Variants in MYO5A observed in about 807,000 individuals in gnomAD.
MYO5A encodes the protein myosin VA, also known as unconventional myosin-Va.
Under a neutral mutation model 249.7 loss-of-function variants are expected in MYO5A, and 98 were observed. The observed-to-expected ratio is 0.39, with a 90% CI of 0.33 to 0.46. The LOEUF (loss-of-function observed/expected upper bound fraction) is 0.46, where lower values mean the gene tolerates loss of function less well. MYO5A is among the 20% of genes least tolerant of loss of function. The pLI, the probability that MYO5A is intolerant of heterozygous loss-of-function variation, is 0.98. For synonymous variants in MYO5A, 778 were observed against 810.6 expected (o/e 0.96, Z 0.68); for missense variants, 1,696 against 2,308.8 (o/e 0.73, Z 5.44).
At chr15:52,512,521 T>A (rs80258187) in intron 1 of MYO5A, among the ~76,000 whole-genome samples, 24 of 108,756 alleles carry the variant, frequency 2.2e-4, no homozygotes, top group South Asian at 5.9e-4. Flanking sequence ...CGCTAAAAAA[T>A]ATATATATAT....
intron 1 of MYO5A, among the ~76,000 whole-genome samples, chr15:52,508,921 CCTATT>C (rs2077332198): frequency 6.6e-6 from 1 of 151,974 alleles, no homozygotes; most frequent in African/African-American, 2.4e-5. Flanking sequence ...GTTATTTTCT[CCTATT>C]CTCTTCTCAT....
chr15:52,336,820 G>A (rs2039142377), intron 33 of MYO5A, among the ~76,000 whole-genome samples: 1 of 152,244 alleles, frequency 6.6e-6, no homozygotes, highest in South Asian at 2.1e-4. Context: ...TAGACTCCAT[G>A]TGGGAAAATC....
chr15:52,349,054 A>C (rs1225917347), intron 28 of MYO5A, among the ~76,000 whole-genome samples: 1 of 152,228 alleles, frequency 6.6e-6, no homozygotes, highest in African/African-American at 2.4e-5. Flanking sequence ...ATTTCCAGGA[A>C]CAAATGCTTG....
At chr15:52,453,439 T>A (rs565343103) in intron 1 of MYO5A, among the ~76,000 whole-genome samples, 2 of 151,790 alleles carry the variant, frequency 1.3e-5, no homozygotes, top group African/African-American at 4.8e-5. Context: ...TAAAGGGAGT[T>A]CTTCAATGTG....
At chr15:52,407,996 T>C (rs1054033431) in intron 7 of MYO5A, 63 bp downstream of exon 7, 1 of 1,095,038 alleles carries the variant, frequency 9.1e-7, no homozygotes, top group Admixed American at 1.7e-5. Flanking sequence ...ACAAGTAAAT[T>C]TAGGAACTTG....
At chr15:52,393,730 G>C (rs1412639919) in intron 11 of MYO5A, among the ~76,000 whole-genome samples, 1 of 152,062 alleles carries the variant, frequency 6.6e-6, no homozygotes, top group African/African-American at 2.4e-5. Flanking sequence ...GCTATTATAA[G>C]CTTTAACAAA....
At chr15:52,480,754 T>G (rs1481873207) in intron 1 of MYO5A, among the ~76,000 whole-genome samples, 1 of 152,232 alleles carries the variant, frequency 6.6e-6, no homozygotes, top group Non-Finnish European at 1.5e-5. Context: ...GAGAAAATTC[T>G]TCCTTAGCAT....
intron 1 of MYO5A, among the ~76,000 whole-genome samples, chr15:52,520,814 G>A (rs2077602773): frequency 6.6e-6 from 1 of 152,220 alleles, no homozygotes; most frequent in Non-Finnish European, 1.5e-5. Flanking sequence ...AATGTAAAAT[G>A]TAAATGTTTA....
intron 1 of MYO5A, among the ~76,000 whole-genome samples, chr15:52,450,848 T>TTG (rs552733806): frequency 2.5e-5 from 2 of 78,440 alleles, no homozygotes; most frequent in African/African-American, 7.1e-5. Flanking sequence ...CTGTGGTTTT[T>TTG]TTTTTTTTTT....
chr15:52,316,233 CAAAAAAAAAA>C (rs5812596), intron 40 of MYO5A, among the ~76,000 whole-genome samples: 1 of 60,348 alleles, frequency 1.7e-5, no homozygotes, highest in Non-Finnish European at 2.9e-5. Context: ...GACTCCGTCA[CAAAAAAAAAA>C]AAAAAAAAAA....
At chr15:52,427,478 T>C (rs1238704955) in intron 3 of MYO5A, among the ~76,000 whole-genome samples, 2 of 151,796 alleles carry the variant, frequency 1.3e-5, no homozygotes, top group East Asian at 3.9e-4. Flanking sequence ...ATAGGGTGGC[T>C]AGACAAGACT....
chr15:52,425,744 T>G, intron 4 of MYO5A, 86 bp downstream of exon 4: 2 of 1,460,002 alleles, frequency 1.4e-6, no homozygotes. Context: ...AAGGTTGCCA[T>G]TCACTTTAAA....
chr15:52,406,757 A>T (rs974750647), intron 8 of MYO5A, among the ~76,000 whole-genome samples: 12 of 152,186 alleles, frequency 7.9e-5, no homozygotes, highest in Non-Finnish European at 1.5e-4. Context: ...CTGCTTCAGA[A>T]ATGTTGGAAC....
intron 12 of MYO5A, among the ~76,000 whole-genome samples, 158 bp from the exon 13 acceptor site, chr15:52,389,521 A>G (rs1347827577): frequency 1.3e-5 from 2 of 152,028 alleles, no homozygotes; most frequent in Non-Finnish European, 2.9e-5. Flanking sequence ...TTTCATTGTT[A>G]GAGGCCAACA....
chr15:52,326,546 T>TGAGG (rs1318223363), intron 36 of MYO5A, among the ~76,000 whole-genome samples: 3 of 152,068 alleles, frequency 2.0e-5, no homozygotes, highest in African/African-American at 7.2e-5. Context: ...TCCCCAGGGC[T>TGAGG]GAGGGAGGGA....
chr15:52,436,504 T>C (rs1595680540), intron 1 of MYO5A, among the ~76,000 whole-genome samples: 1 of 152,246 alleles, frequency 6.6e-6, no homozygotes, highest in Admixed American at 6.5e-5. Context: ...CAGACCTTTC[T>C]AGCGGAAATC....
At chr15:52,401,508 T>G (rs1169833924) in intron 9 of MYO5A, among the ~76,000 whole-genome samples, 1 of 152,216 alleles carries the variant, frequency 6.6e-6, no homozygotes, top group African/African-American at 2.4e-5. Context: ...TGTTCTGGCT[T>G]TTATAGCTGC....
At chr15:52,422,353 CT>C (rs5812608) in intron 4 of MYO5A, among the ~76,000 whole-genome samples, 7,675 of 152,142 alleles carry the variant, frequency 0.05, 269 homozygotes, top group East Asian at 0.18. Context: ...TCAAAAACAT[CT>C]TTTCAACCTT....
chr15:52,328,948 G>T lies in MYO5A; in HGVS notation c.4556-942C>A, dbSNP rs2038740934. Among the ~76,000 whole-genome samples, 4 of 152,188 alleles carry T rather than the reference G, an allele frequency of 2.6e-5. No homozygotes were observed. In the South Asian group the frequency reaches 8.3e-4, roughly 32 times the overall value. Reference sequence around the variant, plus strand: ...TTACTTCCTTTGGTGTCTGTCCAAAGATCACCTTACCAAAGAGTGTTTCCT... The same window carrying T: ...TTACTTCCTTTGGTGTCTGTCCAAATATCACCTTACCAAAGAGTGTTTCCT... On this transcript the variant is annotated intron_variant, in intron 35 of 41. Transcript: ENST00000399233.
Sources: gnomAD v4.1 joint callset for allele counts (sites outside exome capture counted in the v4.1 genomes callset) on GRCh38, gnomAD v4.1.1 for gene constraint, MANE v1.5 for transcripts, NCBI Gene and HGNC (gene_info 2026-07-23, HGNC 2026-07-21) for gene names.